The following SDHAF3 variants were observed in gnomAD, a reference collection of about 807,000 sequenced individuals.
SDHAF3 encodes the protein succinate dehydrogenase complex assembly factor 3, also known as succinate dehydrogenase assembly factor 3, mitochondrial.
Under a neutral mutation model 11.5 loss-of-function variants are expected in SDHAF3, and 18 were observed. The observed-to-expected ratio is 1.56, with a 90% CI of 1.08 to 2.32. The LOEUF is 2.32. Among genes scored for constraint, SDHAF3 ranks in the 30% most tolerant of loss-of-function variants. The pLI, the probability that SDHAF3 is intolerant of heterozygous loss-of-function variation, is 0.00. For missense variants in SDHAF3, 200 were observed against 154.4 expected (o/e 1.30, Z -1.57); for synonymous variants, 72 against 59.3 (o/e 1.21, Z -0.99).
At chr7:97,177,350 A>T (rs978311936) in intron 1 of SDHAF3, among the ~76,000 whole-genome samples, 1 of 151,776 alleles carries the variant, frequency 6.6e-6, no homozygotes, top group Admixed American at 6.6e-5. Flanking sequence ...AAATACAAAA[A>T]ATTTACCTGG....
intron 1 of SDHAF3, chr7:97,136,305 C>T: frequency 2.0e-6 from 1 of 493,688 alleles, no homozygotes. Context: ...TTTTGTGAAT[C>T]CTTTTGAAAA....
At chr7:97,138,180 T>C (rs1788961433) in intron 1 of SDHAF3, among the ~76,000 whole-genome samples, 1 of 143,422 alleles carries the variant, frequency 7.0e-6, no homozygotes, top group South Asian at 2.2e-4. Flanking sequence ...TTTTTTTTTT[T>C]CTTGACAGAG....
chr7:97,136,344 T>G (rs1434205075), intron 1 of SDHAF3: 13 of 537,622 alleles, frequency 2.4e-5, no homozygotes, highest in Non-Finnish European at 4.4e-5. Flanking sequence ...ATTTGTTTCT[T>G]TGTGTAAACC....
intron 1 of SDHAF3, among the ~76,000 whole-genome samples, chr7:97,137,217 A>G (rs1025248701): frequency 5.3e-5 from 8 of 152,160 alleles, no homozygotes; most frequent in Non-Finnish European, 1.0e-4. Context: ...ATGATCTAAC[A>G]TACGTTCTGT....
intron 1 of SDHAF3, among the ~76,000 whole-genome samples, chr7:97,120,704 C>T (rs181607458): frequency 2.0e-5 from 3 of 152,262 alleles, no homozygotes; most frequent in East Asian, 1.9e-4. Flanking sequence ...CTGGTCTACA[C>T]GATCCCAGTC....
chr7:97,145,652 A>C (rs1282297408), intron 1 of SDHAF3, among the ~76,000 whole-genome samples: 1 of 152,218 alleles, frequency 6.6e-6, no homozygotes, highest in African/African-American at 2.4e-5. Flanking sequence ...TTCAACATAC[A>C]TTCTTTTGTG....
intron 1 of SDHAF3, among the ~76,000 whole-genome samples, chr7:97,178,140 A>G (rs1178554649): frequency 6.6e-6 from 1 of 152,214 alleles, no homozygotes; most frequent in East Asian, 1.9e-4. Flanking sequence ...TATTTCATGT[A>G]AGTGGAATCA....
At position 97,117,901 on chromosome 7, in the gene SDHAF3, A is replaced by G. The variant is rs537715127; in HGVS notation, c.174+4A>G. On this transcript the variant is annotated splice_donor_region_variant and intron_variant, in intron 1 of 1. Transcript: ENST00000432641. ...GCGTTTCTTGCAAGAATGGGAGGCA[A>G]GTGACGCTCCCTTCTCTTTGCCCAA... 2 of 1,613,736 alleles carry G rather than the reference A, an allele frequency of 1.2e-6. No homozygotes were observed. Among genetic ancestry groups the G allele is most frequent in the African/African-American group, 1.3e-5 (1 of 75,066 alleles).
chr7:97,135,077 C>CT (rs1791730755), intron 1 of SDHAF3: 1 of 145,968 alleles, frequency 6.9e-6, no homozygotes, highest in African/African-American at 2.6e-5. Context: ...TTTTTTTTTT[C>CT]CCCCCAAGGA....
rs553436684 is a variant in SDHAF3 at position 97,138,254 on chromosome 7, C to T, written c.174+20357C>T. On this transcript the variant is annotated intron_variant, in intron 1 of 1. Coordinates refer to ENST00000432641, the MANE Select transcript of SDHAF3 (RefSeq NM_020186.3). ...AGCTCACTGCAACGTCCGCCTCCCA[C>T]GTATAAGCAATTCTCTTGCCTCAGC... is the stretch of plus-strand genomic sequence containing the variant. Among the ~76,000 whole-genome samples, 166 of 151,608 alleles carry T rather than the reference C, an allele frequency of 1.1e-3. 3 individuals are homozygous for T. Among genetic ancestry groups the T allele is most frequent in the African/African-American group, 3.8e-3 (156 of 41,318 alleles).
chr7:97,181,030 T>G lies in SDHAF3; in HGVS notation c.193T>G (p.Leu65Val), dbSNP rs753817445. Reference protein sequence around the residue: ...QEWEVYATALLQQANENRQNS... With the variant: ...QEWEVYATALVQQANENRQNS... ...TTTTTAGGTGTATGCAACAGCGTTATTGCAACAGGCTAACGAAAACAGACA... is the reference window on the plus strand; with the variant it reads ...TTTTTAGGTGTATGCAACAGCGTTAGTGCAACAGGCTAACGAAAACAGACA... Residue 65 changes from leucine (L) to valine (V), a missense_variant, in exon 2 of 2, where the codon TTG becomes GTG. Physicochemically the swap from Leu to Val is conservative, Grantham distance 32. Transcript: ENST00000432641. 4 of 1,613,890 alleles carry G rather than the reference T, an allele frequency of 2.5e-6. No individual in the cohort carries two copies. The highest frequency in any genetic ancestry group is 2.2e-5 in the East Asian group (1 of 44,836).
At chr7:97,150,247 A>G (rs1789197322) in intron 1 of SDHAF3, among the ~76,000 whole-genome samples, 1 of 152,236 alleles carries the variant, frequency 6.6e-6, no homozygotes, top group Non-Finnish European at 1.5e-5. Context: ...TAATGTTGAT[A>G]GTTTGATCTG....
chr7:97,166,741 G>A (rs1050455693), intron 1 of SDHAF3, among the ~76,000 whole-genome samples: 9 of 141,482 alleles, frequency 6.4e-5, no homozygotes, highest in Non-Finnish European at 1.1e-4. Flanking sequence ...GGGCCAGTTA[G>A]TTGGCGGGGG....
rs898380559 is a variant in SDHAF3, at chr7:97,181,025, C to T, written c.188C>T (p.Ala63Val). Residue 63 changes from alanine to valine, a missense_variant, in exon 2 of 2, where the codon GCG becomes GTG. Physicochemically the swap from Ala to Val is moderately conservative, Grantham distance 64. Transcript: ENST00000432641. ...TTATCTTTTTAGGTGTATGCAACAG[C>T]GTTATTGCAACAGGCTAACGAAAAC... is the stretch of plus-strand genomic sequence containing the variant. Reference protein sequence around the residue: ...FLQEWEVYATALLQQANENRQ... With the variant: ...FLQEWEVYATVLLQQANENRQ... 34 of 1,613,600 alleles carry T rather than the reference C, an allele frequency of 2.1e-5. No homozygotes were observed. The highest frequency in any genetic ancestry group is 2.7e-5 in the Non-Finnish European group (32 of 1,179,722).
At chr7:97,118,052 C>G (rs1240600510) in intron 1 of SDHAF3, among the ~76,000 whole-genome samples, 155 bp downstream of exon 1, 1 of 152,174 alleles carries the variant, frequency 6.6e-6, no homozygotes, top group Non-Finnish European at 1.5e-5. Flanking sequence ...CAAAGTTTCT[C>G]CCACGGGTTT....
chr7:97,146,449 C>T (rs1247909782), intron 1 of SDHAF3, among the ~76,000 whole-genome samples: 1 of 152,004 alleles, frequency 6.6e-6, no homozygotes, highest in Non-Finnish European at 1.5e-5. Flanking sequence ...TATTTGAAGG[C>T]AAAACACTTT....
chr7:97,130,783 G>A (rs982179117), intron 1 of SDHAF3, among the ~76,000 whole-genome samples: 3 of 152,256 alleles, frequency 2.0e-5, no homozygotes, highest in African/African-American at 7.2e-5. Context: ...GGGACCTGAA[G>A]TGGATAGTAT....
At chr7:97,150,839 G>A (rs2115691340) in intron 1 of SDHAF3, among the ~76,000 whole-genome samples, 1 of 152,136 alleles carries the variant, frequency 6.6e-6, no homozygotes, top group East Asian at 1.9e-4. Context: ...TGGGATTACA[G>A]GTGTGAGCCA....
chr7:97,151,546 T>G, intron 1 of SDHAF3, among the ~76,000 whole-genome samples: 1 of 150,260 alleles, frequency 6.7e-6, no homozygotes, highest in Non-Finnish European at 1.5e-5. Context: ...TCCCCCAGGC[T>G]GGAGTGCAGT....
Sources: gnomAD v4.1 joint callset for allele counts (sites outside exome capture counted in the v4.1 genomes callset) on GRCh38, gnomAD v4.1.1 for gene constraint, MANE v1.5 for transcripts, NCBI Gene and HGNC (gene_info 2026-07-23, HGNC 2026-07-21) for gene names.